COL5A2: variants seen among roughly 807,000 people sequenced by gnomAD.
COL5A2 encodes the protein collagen type V alpha 2 chain.
Under a neutral mutation model 208.2 loss-of-function variants are expected in COL5A2, and 23 were observed. The ratio of observed to expected loss-of-function variants is 0.11; its 90% CI spans 0.08 to 0.16. The LOEUF is 0.16. Among genes scored for constraint, COL5A2 ranks in the 10% least tolerant of loss-of-function variants. The pLI, the probability that COL5A2 is intolerant of heterozygous loss-of-function variation, is 1.00. For synonymous variants in COL5A2, 625 were observed against 628.5 expected, an observed-to-expected ratio of 0.99 and a Z score of 0.08; for missense variants, 1,590 against 1,956.4, an observed-to-expected ratio of 0.81 and a Z score of 3.53.
At chr2:189,243,202 A>G in the COL5A2 span, among the ~76,000 whole-genome samples, 1 of 152,236 alleles carries the variant, frequency 6.6e-6, no homozygotes, top group East Asian at 1.9e-4. Flanking sequence ...GAAGAAAAAG[A>G]ATGAAGGAAG....
At position 189,108,655 on chromosome 2, in the gene COL5A2, AT is replaced by A. The variant is rs748545819; in HGVS notation, c.322+1569del. Among the ~76,000 whole-genome samples the A allele has an allele frequency of 1.2e-3, 176 of 152,028 alleles. 1 individual carries two copies. The highest frequency in any genetic ancestry group is 3.4e-3 in the Middle Eastern group (1 of 294). ...AATATTGACATTAAAGTTTTACTTC[AT>A]AAAATTTTTCTTGTATTATATTGTT... On this transcript the variant is annotated intron_variant, in intron 2 of 53. Transcript: ENST00000374866.
the COL5A2 span, among the ~76,000 whole-genome samples, chr2:189,264,907 T>C: frequency 3.3e-5 from 5 of 152,112 alleles, no homozygotes; most frequent in Admixed American, 3.3e-4. Flanking sequence ...AAAGAAAAAT[T>C]TCAGAAAAAG....
intron 12 of COL5A2, among the ~76,000 whole-genome samples, chr2:189,081,680 A>AAGTCAAG (rs1369942916): frequency 6.6e-6 from 1 of 152,200 alleles, no homozygotes; most frequent in African/African-American, 2.4e-5. Context: ...ACAGAAAAGA[A>AAGTCAAG]AGTCAAGAAA....
intron 1 of COL5A2, among the ~76,000 whole-genome samples, chr2:189,194,976 C>G (rs1688981551): frequency 6.6e-6 from 1 of 152,108 alleles, no homozygotes. Flanking sequence ...CAAGGGCAAT[C>G]AGGCAAGAAA....
chr2:189,193,209 A>ATGTTGC (rs1312600488), intron 1 of COL5A2, among the ~76,000 whole-genome samples: 1 of 152,210 alleles, frequency 6.6e-6, no homozygotes, highest in East Asian at 1.9e-4. Flanking sequence ...AAGCAATGCA[A>ATGTTGC]TGTTGCTTGG....
chr2:189,063,835 AG>A (rs1239994970), intron 26 of COL5A2, 144 bp downstream of exon 26: 10 of 651,160 alleles, frequency 1.5e-5, no homozygotes, highest in Non-Finnish European at 2.6e-5. Context: ...ATAGATCCTA[AG>A]AATATGCTTC....
chr2:189,086,943 G>T (rs762575924), intron 8 of COL5A2, among the ~76,000 whole-genome samples, 173 bp from the exon 9 acceptor site: 1 of 152,146 alleles, frequency 6.6e-6, no homozygotes, highest in Non-Finnish European at 1.5e-5. Context: ...GGAGATTAAA[G>T]CTTGGACAAC....
chr2:189,309,372 G>C, the COL5A2 span, among the ~76,000 whole-genome samples: 1 of 152,172 alleles, frequency 6.6e-6, no homozygotes, highest in Non-Finnish European at 1.5e-5. Context: ...CCTTCTAGGA[G>C]CATTTGACTG....
chr2:189,348,403 A>C, the COL5A2 span, among the ~76,000 whole-genome samples: 1 of 152,180 alleles, frequency 6.6e-6, no homozygotes, highest in Non-Finnish European at 1.5e-5. Context: ...AAAGAAGATG[A>C]ACAAAAGAGA....
At chr2:189,067,908 G>C in intron 21 of COL5A2, 107 bp downstream of exon 21, 1 of 933,956 alleles carries the variant, frequency 1.1e-6, no homozygotes, top group Non-Finnish European at 1.7e-6. Flanking sequence ...CCCACATTTG[G>C]ATAAGTCACG....
At chr2:189,053,841 A>G (rs1050212990) in intron 37 of COL5A2, 54 bp downstream of exon 37, 41 of 1,383,704 alleles carry the variant, frequency 3.0e-5, no homozygotes, top group Non-Finnish European at 3.9e-5. Context: ...CAAAATGATT[A>G]ATTGTTTTAT....
At chr2:189,088,103 C>T (rs1296751839) in intron 8 of COL5A2, among the ~76,000 whole-genome samples, 8 of 152,026 alleles carry the variant, frequency 5.3e-5, no homozygotes, top group Admixed American at 4.6e-4. Context: ...AGCAATAAAA[C>T]ATGGGAGAGT....
chr2:189,077,276 C>T (rs1035367567), intron 16 of COL5A2, among the ~76,000 whole-genome samples: 1 of 152,094 alleles, frequency 6.6e-6, no homozygotes, highest in Admixed American at 6.6e-5. Context: ...AAAAAGATAT[C>T]ATACACCAAA....
At chr2:189,164,031 C>T (rs1244779523) in intron 1 of COL5A2, among the ~76,000 whole-genome samples, 1 of 152,196 alleles carries the variant, frequency 6.6e-6, no homozygotes, top group Non-Finnish European at 1.5e-5. Flanking sequence ...ATGTTTCTCT[C>T]TACACAAGTA....
At chr2:189,076,179 T>C (rs1686401454) in intron 16 of COL5A2, among the ~76,000 whole-genome samples, 1 of 152,184 alleles carries the variant, frequency 6.6e-6, no homozygotes. Flanking sequence ...CTAAGAGCAC[T>C]CACCAATAAA....
chr2:189,235,732 G>C, the COL5A2 span, among the ~76,000 whole-genome samples: 1 of 151,500 alleles, frequency 6.6e-6, no homozygotes, highest in Non-Finnish European at 1.5e-5. Flanking sequence ...AGACTTTTTA[G>C]CTCCTAATTA....
At chr2:189,148,115 G>A (rs1688075273) in intron 1 of COL5A2, among the ~76,000 whole-genome samples, 1 of 152,050 alleles carries the variant, frequency 6.6e-6, no homozygotes, top group Admixed American at 6.6e-5. Flanking sequence ...ACTATTCACT[G>A]GGGGGAGGGA....
At position 189,032,130 on chromosome 2, in the gene COL5A2, G is replaced by A. The variant is rs142928750; in HGVS notation, c.*1940C>T. On this transcript the variant is annotated 3_prime_UTR_variant, in exon 54 of 54. Transcript: ENST00000374866. ...AGATATACAGGTCAAAATATAACCA[G>A]TTTAGGGGAAAATGATGTTGTAAAC... 1 of 152,174 alleles carries A rather than the reference G, an allele frequency of 6.6e-6. No individual in the cohort carries two copies. Among genetic ancestry groups the A allele is most frequent in the African/African-American group, 2.4e-5 (1 of 41,534 alleles). The allele number at this position is 152,174 out of a possible 1,614,324, so 9.4% of individuals were successfully genotyped here.
chr2:189,112,152 C>A (rs1163515377), intron 1 of COL5A2, among the ~76,000 whole-genome samples: 1 of 152,098 alleles, frequency 6.6e-6, no homozygotes, highest in Non-Finnish European at 1.5e-5. Context: ...CCACTGTGCC[C>A]GGCCTCCTCA....
Sources: gnomAD v4.1 joint callset for allele counts (sites outside exome capture counted in the v4.1 genomes callset) on GRCh38, gnomAD v4.1.1 for gene constraint, MANE v1.5 for transcripts, NCBI Gene and HGNC (gene_info 2026-07-23, HGNC 2026-07-21) for gene names.